OSGEPL1: variants seen among roughly 807,000 people sequenced by gnomAD.
The protein encoded by OSGEPL1 is O-sialoglycoprotein endopeptidase like 1, also known as tRNA N6-adenosine threonylcarbamoyltransferase, mitochondrial.
Under a neutral mutation model 37.2 loss-of-function variants are expected in OSGEPL1, and 26 were observed. The observed-to-expected ratio is 0.70, with a 90% CI of 0.51 to 0.97. The LOEUF (loss-of-function observed/expected upper bound fraction) is 0.97, where lower values mean the gene tolerates loss of function less well. Among genes scored for constraint, OSGEPL1 ranks in the 50% least tolerant of loss-of-function variants. The pLI is 0.00. For missense variants in OSGEPL1, 404 were observed against 487.0 expected (o/e 0.83, Z 1.60); for synonymous variants, 140 against 159.9 (o/e 0.88, Z 0.94).
chr2:189,762,921 C>T (rs1385909980), upstream of OSGEPL1: 10 of 985,256 alleles, frequency 1.0e-5, no homozygotes, highest in Non-Finnish European at 1.2e-5. Flanking sequence ...TGCATTTCCC[C>T]CAGATTTGCA....
At chr2:189,747,555 A>T (rs889189870) in intron 8 of OSGEPL1, among the ~76,000 whole-genome samples, 2 of 152,112 alleles carry the variant, frequency 1.3e-5, no homozygotes, top group Admixed American at 1.3e-4. Context: ...TGCAACTGGA[A>T]AGGGTAATAG....
chr2:189,748,389 T>C (rs956443247), intron 8 of OSGEPL1, among the ~76,000 whole-genome samples: 2 of 152,130 alleles, frequency 1.3e-5, no homozygotes, highest in African/African-American at 4.8e-5. Context: ...TACAGGCGTG[T>C]AGCCCTAGCT....
Position 189,753,986 on chromosome 2 carries a change from A to C in OSGEPL1, c.893T>G (p.Val298Gly), listed in dbSNP as rs752474236. ...CAGAATAGCCCGATGTGTTCTTTTC[A>C]CAAGATGACATGCCATTGTGTGCTG... ...TVQHTMACHLVKRTHRAILFC... is the reference protein window; with the variant it reads ...TVQHTMACHLGKRTHRAILFC... Residue 298 changes from valine (V) to glycine (G), a missense_variant, in exon 5 of 9, where the codon GTG becomes GGG. Physicochemically the swap from Val to Gly is moderately radical, Grantham distance 109 (BLOSUM62 -3). Transcript: ENST00000264151. 13 of 1,613,718 alleles carry C rather than the reference A, an allele frequency of 8.1e-6. No individual in the cohort carries two copies. In the Admixed American group the frequency reaches 2.2e-4, roughly 27 times the overall value.
intron 8 of OSGEPL1, among the ~76,000 whole-genome samples, chr2:189,750,068 A>G (rs1194238843): frequency 6.6e-6 from 1 of 152,216 alleles, no homozygotes; most frequent in African/African-American, 2.4e-5. Flanking sequence ...GGTTGCATGC[A>G]GTAAGCTGAG....
At chr2:189,751,866 C>A (rs1388139577) in intron 7 of OSGEPL1, among the ~76,000 whole-genome samples, 1 of 151,592 alleles carries the variant, frequency 6.6e-6, no homozygotes, top group African/African-American at 2.4e-5. Flanking sequence ...GAAAAACCAG[C>A]CAGGTGTGGT....
At chr2:189,758,180 C>T (rs1362026071) in intron 2 of OSGEPL1, among the ~76,000 whole-genome samples, 1 of 152,122 alleles carries the variant, frequency 6.6e-6, no homozygotes, top group East Asian at 1.9e-4. Context: ...GTCGGGAGTT[C>T]GAGACAGCCT....
intron 3 of OSGEPL1, chr2:189,754,914 G>T: frequency 1.2e-5 from 5 of 427,910 alleles, no homozygotes; most frequent in South Asian, 3.7e-5. Flanking sequence ...ACATTATTTG[G>T]CAAAATACAT....
intron 2 of OSGEPL1, 135 bp downstream of exon 2, chr2:189,761,285 C>T (rs2047031229): frequency 1.1e-6 from 1 of 884,196 alleles, no homozygotes; most frequent in Non-Finnish European, 1.7e-6. Flanking sequence ...TTGAGGTTTT[C>T]TATAGCAGTT....
rs561753203 is a variant in OSGEPL1, at chr2:189,761,291, C to T, written c.221+129G>A. The T allele has an allele frequency of 6.5e-6, 6 of 916,172 alleles. No individual in the cohort carries two copies. In the South Asian group the frequency reaches 1.2e-4, roughly 19 times the overall value. 56.8% of individuals were successfully genotyped at this position (916,172 alleles called of 1,614,324 possible). ...ATGAAGTGTTTGAGGTTTTCTATAG[C>T]AGTTATTAAAAGTGTTTGCAAAAAG... On this transcript the variant is annotated intron_variant, in intron 2 of 8. Transcript: ENST00000264151.
At chr2:189,760,758 T>C (rs1486487057) in intron 2 of OSGEPL1, among the ~76,000 whole-genome samples, 2 of 151,644 alleles carry the variant, frequency 1.3e-5, no homozygotes, top group African/African-American at 4.8e-5. Flanking sequence ...GCCACTGCAC[T>C]CCAGCCTGGT....
intron 1 of OSGEPL1, 51 bp from the exon 2 acceptor site, chr2:189,761,711 G>T (rs2047084043): frequency 1.4e-6 from 2 of 1,427,484 alleles, no homozygotes; most frequent in Non-Finnish European, 1.8e-6. Flanking sequence ...ACATTAGCCA[G>T]CTTATTTTTC....
At chr2:189,760,518 C>T (rs1444751215) in intron 2 of OSGEPL1, among the ~76,000 whole-genome samples, 2 of 152,196 alleles carry the variant, frequency 1.3e-5, no homozygotes, top group African/African-American at 4.8e-5. Context: ...TCCAGCCCGG[C>T]GCGGTGTCTC....
At chr2:189,759,532 G>A (rs965425762) in intron 2 of OSGEPL1, among the ~76,000 whole-genome samples, 1 of 152,190 alleles carries the variant, frequency 6.6e-6, no homozygotes, top group Non-Finnish European at 1.5e-5. Flanking sequence ...TTACAGGCGT[G>A]AGCCACAGCG....
At chr2:189,750,432 GCAGGTAAAAC>G in intron 8 of OSGEPL1, 108 bp downstream of exon 8, 2 of 503,660 alleles carry the variant, frequency 4.0e-6, no homozygotes, top group Middle Eastern at 5.3e-4. Flanking sequence ...TCTCAGAAGA[GCAGGTAAAAC>G]ATCAAATAGA....
rs775557271 is a variant in OSGEPL1 at position 189,755,552 on chromosome 2, C to G, written c.230G>C (p.Gly77Ala). The part of the protein sequence containing the change: ...SQTEVHLKTG[G>A]IVPPAAQQLH... Reference sequence around the variant, plus strand: ...CTGTTGAGCTGCTGGAGGAACAATCCCACCTGTTCTGAAAGAAAGAAAGAC... The same window carrying G: ...CTGTTGAGCTGCTGGAGGAACAATCGCACCTGTTCTGAAAGAAAGAAAGAC... Residue 77 changes from glycine (G) to alanine (A), a missense_variant, in exon 3 of 9, where the codon GGG becomes GCG. By Grantham distance (60) the Gly-to-Ala change is moderately conservative. Coordinates refer to ENST00000264151, the MANE Select transcript of OSGEPL1 (RefSeq NM_022353.3). 2 of 1,584,082 alleles carry G rather than the reference C, an allele frequency of 1.3e-6. No homozygotes were observed. The highest frequency in any genetic ancestry group is 1.7e-6 in the Non-Finnish European group (2 of 1,172,598).
intron 7 of OSGEPL1, among the ~76,000 whole-genome samples, chr2:189,751,481 G>T (rs2045217387): frequency 1.5e-5 from 2 of 129,378 alleles, no homozygotes; most frequent in African/African-American, 6.1e-5. Flanking sequence ...GTCTCACTCT[G>T]TCACCCGGGC....
intron 2 of OSGEPL1, among the ~76,000 whole-genome samples, chr2:189,755,908 CAGA>C (rs1269403555): frequency 6.6e-6 from 1 of 152,012 alleles, no homozygotes; most frequent in Non-Finnish European, 1.5e-5. Context: ...TCCTTGCTGA[CAGA>C]AGATTTTAAG....
At chr2:189,748,267 A>T (rs1262738623) in intron 8 of OSGEPL1, among the ~76,000 whole-genome samples, 3 of 152,174 alleles carry the variant, frequency 2.0e-5, no homozygotes, top group African/African-American at 7.2e-5. Flanking sequence ...CAATAGTGCA[A>T]TCATAGCTCA....
upstream of OSGEPL1, chr2:189,762,859 G>A (rs1262970548): frequency 1.0e-6 from 1 of 985,356 alleles, no homozygotes; most frequent in African/African-American, 1.7e-5. Context: ...GGCATGCTTA[G>A]TGAAGAAAAG....
Sources: allele counts gnomAD v4.1 joint callset (sites outside exome capture counted in the v4.1 genomes callset), GRCh38; gene constraint gnomAD v4.1.1; transcripts MANE v1.5; gene names NCBI Gene and HGNC (gene_info 2026-07-23, HGNC 2026-07-21).